Variants in CADM2 observed in about 807,000 individuals in gnomAD.
CADM2 encodes immunoglobulin superfamily member 4D.
Under a neutral mutation model 49.8 loss-of-function variants are expected in CADM2, and 12 were observed. That is an observed-to-expected ratio of 0.24 (90% CI 0.15 to 0.39). The LOEUF (loss-of-function observed/expected upper bound fraction) is 0.39, where lower values mean the gene tolerates loss of function less well. Ranked by LOEUF, CADM2 falls within the 10% of genes least tolerant of loss-of-function variation. The pLI is 1.00. For synonymous variants in CADM2, 214 were observed against 175.4 expected (o/e 1.22, Z -1.74); for missense variants, 378 against 492.3 (o/e 0.77, Z 2.20).
At chr3:85,883,184 G>A (rs1212806543) in intron 3 of CADM2, 107 bp from the exon 4 acceptor site, 46 of 789,692 alleles carry the variant, frequency 5.8e-5, no homozygotes, top group African/African-American at 5.3e-5. Flanking sequence ...AGATTTGAAT[G>A]TATGGCCAAA....
Position 85,160,826 on chromosome 3 carries a change from TC to T in CADM2, c.61+201160del, listed in dbSNP as rs200938801. 8.1e-3 allele frequency among the ~76,000 whole-genome samples: 1,230 copies of T among 152,310 alleles called. 19 individuals are homozygous for T. Among genetic ancestry groups the T allele is most frequent in the African/African-American group, 0.028 (1,171 of 41,566 alleles). Reference sequence around the variant, plus strand: ...AGGAATTTAATAATTGGAAGTGTTTTCCATCTTATGGGATGTAGAGGAAATA... The same window carrying T: ...AGGAATTTAATAATTGGAAGTGTTTTCATCTTATGGGATGTAGAGGAAATA... On this transcript the variant is annotated intron_variant, in intron 1 of 9. Coordinates refer to ENST00000383699, the MANE Select transcript of CADM2 (RefSeq NM_001167675.2).
intron 1 of CADM2, among the ~76,000 whole-genome samples, chr3:85,661,977 G>A (rs1262095242): frequency 2.0e-5 from 3 of 151,916 alleles, no homozygotes; most frequent in African/African-American, 4.8e-5. Context: ...ACATACAGTA[G>A]GTAATTATTC....
intron 8 of CADM2, among the ~76,000 whole-genome samples, chr3:86,057,889 C>A (rs1027603254): frequency 6.6e-6 from 1 of 152,126 alleles, no homozygotes; most frequent in Non-Finnish European, 1.5e-5. Flanking sequence ...ATGACCTCAA[C>A]CAGCTCTCGT....
At position 85,048,185 on chromosome 3, in the gene CADM2, A is replaced by G. The variant is rs184499848; in HGVS notation, c.61+88517A>G. Among the ~76,000 whole-genome samples, 3 of 152,286 alleles carry G rather than the reference A, an allele frequency of 2.0e-5. 1 individual carries two copies. The East Asian group carries it at 5.8e-4, about 29-fold the overall frequency. ...GATTGGTTCACAAATAAAGTAGTAC[A>G]TTATGTTATAGATAGTAGGAGAGTG... On this transcript the variant is annotated intron_variant, in intron 1 of 9. Transcript: ENST00000383699.
At chr3:85,251,322 T>C (rs2042768783) in intron 1 of CADM2, among the ~76,000 whole-genome samples, 1 of 151,878 alleles carries the variant, frequency 6.6e-6, no homozygotes, top group South Asian at 2.1e-4. Flanking sequence ...CCCAAATTAT[T>C]ATGACATATT....
intron 1 of CADM2, among the ~76,000 whole-genome samples, chr3:85,435,116 C>A (rs1010192754): frequency 1.3e-5 from 2 of 152,016 alleles, no homozygotes; most frequent in African/African-American, 2.4e-5. Context: ...ATCTGCTACA[C>A]CCATCTACCT....
chr3:85,498,295 C>T (rs62250748), intron 1 of CADM2, among the ~76,000 whole-genome samples: 29,650 of 151,734 alleles, frequency 0.2, 3,471 homozygotes, highest in East Asian at 0.45. Context: ...TTGTGATGTC[C>T]CTTTCACAGA....
At chr3:86,012,696 A>C (rs1731689239) in intron 8 of CADM2, 1 of 1,183,548 alleles carries the variant, frequency 8.4e-7, no homozygotes, top group Non-Finnish European at 1.2e-6. Flanking sequence ...TTAGAAGATA[A>C]AACACCTGAT....
At chr3:85,924,280 C>G (rs1719534397) in intron 6 of CADM2, among the ~76,000 whole-genome samples, 1 of 151,722 alleles carries the variant, frequency 6.6e-6, no homozygotes, top group African/African-American at 2.4e-5. Flanking sequence ...AATAATGTAC[C>G]ATAGAGTCAA....
At chr3:85,515,470 C>A (rs2060872248) in intron 1 of CADM2, among the ~76,000 whole-genome samples, 1 of 147,132 alleles carries the variant, frequency 6.8e-6, no homozygotes, top group African/African-American at 2.5e-5. Context: ...GTTGCCCAGG[C>A]TGGATTGCAG....
chr3:85,927,175 C>T (rs112064781), intron 6 of CADM2, among the ~76,000 whole-genome samples: 23 of 152,024 alleles, frequency 1.5e-4, no homozygotes, highest in African/African-American at 3.6e-4. Context: ...ATAGTTGTGA[C>T]GAGTAAATTT....
chr3:85,960,940 G>A (rs1470121712), intron 7 of CADM2, among the ~76,000 whole-genome samples: 4 of 147,494 alleles, frequency 2.7e-5, no homozygotes, highest in African/African-American at 4.9e-5. Context: ...ATATGTATTT[G>A]TATGTATGAA....
At chr3:85,863,814 A>G (rs932095122) in intron 3 of CADM2, among the ~76,000 whole-genome samples, 2 of 152,228 alleles carry the variant, frequency 1.3e-5, no homozygotes, top group East Asian at 3.9e-4. Context: ...ATGAAATCTA[A>G]GCCAAATAAA....
intron 1 of CADM2, among the ~76,000 whole-genome samples, chr3:85,482,354 T>C (rs886723469): frequency 1.3e-5 from 2 of 151,832 alleles, no homozygotes; most frequent in African/African-American, 4.8e-5. Context: ...CTGAATACAC[T>C]ATAATAGTTT....
intron 8 of CADM2, chr3:86,013,004 T>A: frequency 1.1e-6 from 1 of 947,356 alleles, no homozygotes; most frequent in Non-Finnish European, 1.7e-6. Context: ...ATCAGCTAAA[T>A]AAACATTATC....
chr3:85,020,767 G>A (rs1362790544), intron 1 of CADM2, among the ~76,000 whole-genome samples: 1 of 149,872 alleles, frequency 6.7e-6, no homozygotes, highest in African/African-American at 2.5e-5. Flanking sequence ...TGTGTGTATG[G>A]TGTGTGTGTG....
chr3:85,341,280 A>C (rs2045232828), intron 1 of CADM2, among the ~76,000 whole-genome samples: 1 of 151,932 alleles, frequency 6.6e-6, no homozygotes, highest in Non-Finnish European at 1.5e-5. Flanking sequence ...GAGAGAAATA[A>C]GGAGGAAATG....
intron 1 of CADM2, among the ~76,000 whole-genome samples, chr3:85,197,846 C>T (rs963792260): frequency 1.3e-5 from 2 of 151,706 alleles, no homozygotes; most frequent in Non-Finnish European, 2.9e-5. Context: ...GTAACTTGTC[C>T]AGGGAATGGT....
intron 8 of CADM2, among the ~76,000 whole-genome samples, chr3:85,999,018 G>T (rs1729789983): frequency 6.6e-6 from 1 of 151,994 alleles, no homozygotes; most frequent in Non-Finnish European, 1.5e-5. Flanking sequence ...AGGGGTAAGG[G>T]TTTTATGGAA....
Sources: gnomAD v4.1 joint callset for allele counts (sites outside exome capture counted in the v4.1 genomes callset) on GRCh38, gnomAD v4.1.1 for gene constraint, MANE v1.5 for transcripts, NCBI Gene and HGNC (gene_info 2026-07-23, HGNC 2026-07-21) for gene names.